The following NALCN variants were observed in gnomAD, a reference collection of about 807,000 sequenced individuals.
NALCN encodes the protein sodium leak channel NALCN.
Under a neutral mutation model 225.3 loss-of-function variants are expected in NALCN, and 111 were observed. That is an observed-to-expected ratio of 0.49 (90% confidence interval 0.42 to 0.58). NALCN has a LOEUF of 0.58. Ranked by LOEUF, NALCN falls within the 20% of genes least tolerant of loss-of-function variation. NALCN has a pLI of 0.00. For synonymous variants in NALCN, 764 were observed against 769.0 expected, an observed-to-expected ratio of 0.99 and a Z score of 0.11; for missense variants, 1,378 against 2,202.4, an observed-to-expected ratio of 0.63 and a Z score of 7.49.
In NALCN at chr13:101,083,710, C is replaced by T; in HGVS notation, c.3583+1G>A. 6.2e-7 allele frequency: 1 copy of T among 1,613,030 alleles called. No individual in the cohort carries two copies. ...GAATAAAATCAGAGCATTTTGGGTA[C>T]CCGGGCGAGGCGGAAGATGAAGAGG... On this transcript the variant is annotated splice_donor_variant, in intron 31 of 43. Transcript: ENST00000251127. LOFTEE classifies it high-confidence loss of function.
intron 22 of NALCN, among the ~76,000 whole-genome samples, chr13:101,106,272 T>C (rs2035094574): frequency 6.6e-6 from 1 of 152,224 alleles, no homozygotes; most frequent in Non-Finnish European, 1.5e-5. Context: ...TTAAAATTCC[T>C]ATTTCCAAAT....
intron 6 of NALCN, among the ~76,000 whole-genome samples, chr13:101,373,773 T>C (rs902526779): frequency 6.6e-6 from 1 of 152,154 alleles, no homozygotes; most frequent in South Asian, 2.1e-4. Context: ...AGGAGGATCA[T>C]TATTTTCAGG....
chr13:101,345,521 C>T, intron 6 of NALCN, 101 bp from the exon 7 acceptor site: 2 of 1,386,256 alleles, frequency 1.4e-6, no homozygotes, highest in Non-Finnish European at 1.9e-6. Flanking sequence ...TGTATCTGGC[C>T]AAGTGAGGTT....
At chr13:101,195,712 A>ATCATT (rs2039863372) in intron 13 of NALCN, among the ~76,000 whole-genome samples, 1 of 152,188 alleles carries the variant, frequency 6.6e-6, no homozygotes, top group Non-Finnish European at 1.5e-5. Context: ...TCATTCAGGC[A>ATCATT]CAACATCACT....
intron 15 of NALCN, among the ~76,000 whole-genome samples, chr13:101,156,116 G>C (rs2037888342): frequency 6.6e-6 from 1 of 151,892 alleles, no homozygotes; most frequent in Non-Finnish European, 1.5e-5. Context: ...TTCCTGCTTT[G>C]GCCACTGGGG....
chr13:101,170,243 G>A (rs1245019096), intron 15 of NALCN, among the ~76,000 whole-genome samples: 1 of 152,178 alleles, frequency 6.6e-6, no homozygotes, highest in Non-Finnish European at 1.5e-5. Flanking sequence ...TGGAAGCCAG[G>A]GCAACATTTT....
At chr13:101,245,177 G>T (rs6491603) in intron 11 of NALCN, among the ~76,000 whole-genome samples, 134,900 of 152,214 alleles carry the variant, frequency 0.89, 61,797 homozygotes, top group Non-Finnish European at 0.99. Flanking sequence ...ACCAAGAAGG[G>T]CTCATTGGGA....
At chr13:101,265,996 T>C (rs1199296350) in intron 10 of NALCN, among the ~76,000 whole-genome samples, 1 of 152,228 alleles carries the variant, frequency 6.6e-6, no homozygotes, top group Non-Finnish European at 1.5e-5. Flanking sequence ...CATGGTTTAA[T>C]GGAATATCAA....
chr13:101,181,341 G>A (rs1449604079), intron 14 of NALCN: 1 of 518,814 alleles, frequency 1.9e-6, no homozygotes, highest in Non-Finnish European at 3.9e-6. Flanking sequence ...AGGGAGGCTG[G>A]AATAATCACA....
In NALCN at chr13:101,345,364, T is replaced by C; in HGVS notation, c.701A>G (p.Glu234Gly). 6.2e-7 allele frequency: 1 copy of C among 1,613,842 alleles called. No individual in the cohort carries two copies. Among genetic ancestry groups the C allele is most frequent in the South Asian group, 1.1e-5 (1 of 91,064 alleles). ...TCCAGGTGGGCACTGGTAGCCTTCTTCTAGCTCTGGTGAGCAGTGTGTGTC... is the reference window on the plus strand; with the variant it reads ...TCCAGGTGGGCACTGGTAGCCTTCTCCTAGCTCTGGTGAGCAGTGTGTGTC... ...IPDTHCSPEL[E>G]EGYQCPPGFK... Residue 234 changes from glutamate (E) to glycine (G), a missense_variant, in exon 7 of 44, where the codon GAA becomes GGA. Around this residue, in one of 19 missense-constraint regions of NALCN, gnomAD observed 67 missense variants for 82.1 expected, o/e 0.82. Transcript: ENST00000251127.
intron 17 of NALCN, chr13:101,142,772 G>GA (rs2037150583): frequency 2.7e-6 from 1 of 374,306 alleles, no homozygotes; most frequent in African/African-American, 2.1e-5. Flanking sequence ...ATTACACCTG[G>GA]ACTGAGCCTT....
At chr13:101,367,521 C>T (rs2046411487) in intron 6 of NALCN, among the ~76,000 whole-genome samples, 1 of 152,014 alleles carries the variant, frequency 6.6e-6, no homozygotes, top group African/African-American at 2.4e-5. Flanking sequence ...TCTTTTATCC[C>T]TAGTGCTTAA....
intron 2 of NALCN, among the ~76,000 whole-genome samples, chr13:101,397,303 A>G (rs1214887661): frequency 6.7e-6 from 1 of 150,348 alleles, no homozygotes; most frequent in African/African-American, 2.4e-5. Context: ...TAGGGGAAAG[A>G]CAAGCACTGC....
chr13:101,278,948 A>G (rs554786162), intron 10 of NALCN, among the ~76,000 whole-genome samples: 5 of 152,306 alleles, frequency 3.3e-5, no homozygotes, highest in Non-Finnish European at 7.4e-5. Context: ...TCAAATAAGT[A>G]CTTTCATAAG....
At chr13:101,126,737 T>A (rs1481854959) in intron 17 of NALCN, among the ~76,000 whole-genome samples, 1 of 152,114 alleles carries the variant, frequency 6.6e-6, no homozygotes, top group East Asian at 1.9e-4. Flanking sequence ...GTGATCCACC[T>A]GCCTCAGCCT....
intron 7 of NALCN, among the ~76,000 whole-genome samples, chr13:101,295,220 G>A (rs1412227734): frequency 6.6e-6 from 1 of 152,110 alleles, no homozygotes; most frequent in East Asian, 1.9e-4. Flanking sequence ...TGATTCATAG[G>A]TACTAACACT....
chr13:101,257,544 AT>A lies in NALCN; in HGVS notation c.1266+898del, dbSNP rs566779960. ...TAACACTTAATTATATGGCAAATTG[AT>A]TTTTTTTATGTGAAAAATGCTTTGG... is the stretch of plus-strand genomic sequence containing the variant. On this transcript the variant is annotated intron_variant, in intron 11 of 43. Coordinates refer to ENST00000251127, the MANE Select transcript of NALCN (RefSeq NM_052867.4). Among the ~76,000 whole-genome samples the A allele has an allele frequency of 5.7e-4, 86 of 152,032 alleles. 2 individuals carry two copies. Among genetic ancestry groups the A allele is most frequent in the African/African-American group, 1.9e-3 (77 of 41,482 alleles).
At chr13:101,251,545 A>AT (rs1164762083) in intron 11 of NALCN, among the ~76,000 whole-genome samples, 6 of 152,126 alleles carry the variant, frequency 3.9e-5, no homozygotes, top group Admixed American at 3.3e-4. Context: ...TGGTTATAAT[A>AT]TTTTCTCTAT....
chr13:101,367,886 G>A (rs1003719031), intron 6 of NALCN, among the ~76,000 whole-genome samples: 8 of 151,922 alleles, frequency 5.3e-5, no homozygotes, highest in Non-Finnish European at 8.8e-5. Context: ...TTGATGTGGC[G>A]TCTCCTATTT....
Sources: gnomAD v4.1 joint callset for allele counts (sites outside exome capture counted in the v4.1 genomes callset) on GRCh38, gnomAD v4.1.1 for gene constraint, gnomAD v4.1.1 regional missense constraint, MANE v1.5 for transcripts, NCBI Gene and HGNC (gene_info 2026-07-23, HGNC 2026-07-21) for gene names.